The following TBC1D5 variants were observed in gnomAD, a reference collection of about 807,000 sequenced individuals.
The protein encoded by TBC1D5 is TBC1 domain family member 5, also known as TBC1 domain family, member 5.
In TBC1D5, 75 loss-of-function variants were observed where a neutral mutation model predicts 100.3. That is an observed-to-expected ratio of 0.75 (90% CI 0.62 to 0.91). The LOEUF (loss-of-function observed/expected upper bound fraction) is 0.91. TBC1D5 is among the 40% of genes least tolerant of loss of function. TBC1D5 has a pLI of 0.00. For synonymous variants in TBC1D5, 323 were observed against 325.6 expected (o/e 0.99, Z 0.09); for missense variants, 910 against 942.4 (o/e 0.97, Z 0.45).
At chr3:17,597,870 G>A (rs1464614831) in intron 2 of TBC1D5, among the ~76,000 whole-genome samples, 1 of 152,034 alleles carries the variant, frequency 6.6e-6, no homozygotes, top group East Asian at 1.9e-4. Context: ...TTCAAACATT[G>A]TATCTTCCCG....
intron 4 of TBC1D5, among the ~76,000 whole-genome samples, chr3:17,424,553 A>G (rs955396370): frequency 2.0e-5 from 3 of 152,216 alleles, no homozygotes; most frequent in Non-Finnish European, 4.4e-5. Context: ...AAAACCAACA[A>G]TGTCTTCTCA....
At chr3:17,248,057 T>A (rs1203287716) in intron 16 of TBC1D5, among the ~76,000 whole-genome samples, 2 of 151,528 alleles carry the variant, frequency 1.3e-5, no homozygotes, top group African/African-American at 4.9e-5. Flanking sequence ...GGTGGTGCAA[T>A]CTCTGCTCAC....
chr3:17,168,153 T>C (rs181124582), intron 19 of TBC1D5, among the ~76,000 whole-genome samples: 1 of 152,288 alleles, frequency 6.6e-6, no homozygotes, highest in East Asian at 1.9e-4. Context: ...ATCTAATCTC[T>C]AGGAGGAAGC....
At chr3:17,500,114 T>C (rs2095766467) in intron 3 of TBC1D5, among the ~76,000 whole-genome samples, 2 of 149,584 alleles carry the variant, frequency 1.3e-5, no homozygotes, top group Non-Finnish European at 2.9e-5. Flanking sequence ...ATTTGCAACA[T>C]GGTTCAATGA....
intron 19 of TBC1D5, among the ~76,000 whole-genome samples, chr3:17,171,201 C>T: frequency 6.6e-6 from 1 of 151,990 alleles, no homozygotes; most frequent in East Asian, 1.9e-4. Context: ...ACAGGGATCA[C>T]AGTTTAAGGA....
At chr3:17,632,866 G>A (rs899073733) in intron 1 of TBC1D5, among the ~76,000 whole-genome samples, 2 of 152,016 alleles carry the variant, frequency 1.3e-5, no homozygotes, top group African/African-American at 4.8e-5. Context: ...AAAAATTCAT[G>A]TGACTCACTT....
At chr3:17,545,335 C>G (rs1454913835) in intron 2 of TBC1D5, among the ~76,000 whole-genome samples, 1 of 152,214 alleles carries the variant, frequency 6.6e-6, no homozygotes, top group African/African-American at 2.4e-5. Context: ...CTGCCACTTA[C>G]AAGCCAAACA....
chr3:17,445,773 AAC>A (rs1224933521), intron 3 of TBC1D5, among the ~76,000 whole-genome samples: 1 of 152,228 alleles, frequency 6.6e-6, no homozygotes, highest in African/African-American at 2.4e-5. Context: ...TATAGCAAAA[AAC>A]ACAGTATATA....
At chr3:17,395,581 T>C (rs946402068) in intron 8 of TBC1D5, among the ~76,000 whole-genome samples, 3 of 152,166 alleles carry the variant, frequency 2.0e-5, no homozygotes, top group Non-Finnish European at 4.4e-5. Context: ...TTTAACCTTC[T>C]CATAATCATA....
Position 17,303,241 on chromosome 3 carries a change from T to G in TBC1D5, c.1138+4751A>C, listed in dbSNP as rs146828884. ...GTGGAGGACCACCTTGCTCTTTGATTCTTCCAAACTATTGCTTCCTATCAT... is the reference window on the plus strand; with the variant it reads ...GTGGAGGACCACCTTGCTCTTTGATGCTTCCAAACTATTGCTTCCTATCAT... On this transcript the variant is annotated intron_variant, in intron 14 of 21. Transcript: ENST00000253692. Among the ~76,000 whole-genome samples, 572 of 152,330 alleles carry G rather than the reference T, an allele frequency of 3.8e-3. 4 individuals carry two copies. Among genetic ancestry groups the G allele is most frequent in the African/African-American group, 0.013 (548 of 41,570 alleles).
chr3:17,157,973 A>G (rs2065737217), exon 22 of TBC1D5: 1 of 152,350 alleles, frequency 6.6e-6, no homozygotes, highest in Admixed American at 6.5e-5. Flanking sequence ...TTTTAGAGTC[A>G]CATTCTTTCT....
intron 21 of TBC1D5, among the ~76,000 whole-genome samples, chr3:17,165,932 A>G (rs1457122674): frequency 6.6e-6 from 1 of 152,316 alleles, no homozygotes; most frequent in Non-Finnish European, 1.5e-5. Flanking sequence ...CGGAGCCTGT[A>G]TGTGTCCTCT....
At chr3:17,462,880 C>A (rs940351695) in intron 3 of TBC1D5, among the ~76,000 whole-genome samples, 7 of 152,204 alleles carry the variant, frequency 4.6e-5, no homozygotes, top group African/African-American at 1.7e-4. Flanking sequence ...TTACCTTGGT[C>A]ATATTACATT....
intron 13 of TBC1D5, among the ~76,000 whole-genome samples, chr3:17,308,769 G>C (rs115802284): frequency 6.6e-6 from 1 of 152,106 alleles, no homozygotes; most frequent in African/African-American, 2.4e-5. Flanking sequence ...CTTTCGAGGA[G>C]TGTTTTTCAA....
At chr3:17,318,367 T>TA (rs1374783786) in intron 13 of TBC1D5, among the ~76,000 whole-genome samples, 2 of 152,142 alleles carry the variant, frequency 1.3e-5, no homozygotes, top group East Asian at 1.9e-4. Context: ...CCCTAAAACT[T>TA]AAAGTATAAT....
chr3:17,383,831 G>T, intron 9 of TBC1D5, 82 bp downstream of exon 9: 1 of 1,053,850 alleles, frequency 9.5e-7, no homozygotes, highest in South Asian at 1.7e-5. Flanking sequence ...TACAATAAAG[G>T]CTACATTATT....
At chr3:17,557,735 C>T (rs113650714) in intron 2 of TBC1D5, among the ~76,000 whole-genome samples, 5 of 151,712 alleles carry the variant, frequency 3.3e-5, no homozygotes, top group South Asian at 2.1e-4. Context: ...TCTTTGTATC[C>T]GAACCAAGCA....
At chr3:17,175,921 G>A (rs1345090425) in intron 19 of TBC1D5, among the ~76,000 whole-genome samples, 4 of 152,236 alleles carry the variant, frequency 2.6e-5, no homozygotes, top group Non-Finnish European at 4.4e-5. Flanking sequence ...TCCTCAGCAT[G>A]AGATGCTTGT....
intron 19 of TBC1D5, among the ~76,000 whole-genome samples, chr3:17,173,182 G>A (rs1479676935): frequency 6.6e-6 from 1 of 152,188 alleles, no homozygotes. Context: ...AGAAATGCCA[G>A]GTCTGTTATT....
Sources: gnomAD v4.1 joint callset for allele counts (sites outside exome capture counted in the v4.1 genomes callset) on GRCh38, gnomAD v4.1.1 for gene constraint, MANE v1.5 for transcripts, NCBI Gene and HGNC (gene_info 2026-07-23, HGNC 2026-07-21) for gene names.